Variants in PLOD1 observed in about 807,000 individuals in gnomAD.
PLOD1 encodes procollagen-lysine,2-oxoglutarate 5-dioxygenase 1, also known as lysine hydroxylase.
Under a neutral mutation model 94.7 loss-of-function variants are expected in PLOD1, and 70 were observed. The ratio of observed to expected loss-of-function variants is 0.74; its 90% CI spans 0.61 to 0.90. PLOD1 has a LOEUF of 0.90. PLOD1 is among the 40% of genes least tolerant of loss of function. The pLI is 0.00. For missense variants in PLOD1, 905 were observed against 972.7 expected, an observed-to-expected ratio of 0.93 and a Z score of 0.93; for synonymous variants, 417 against 400.2, an observed-to-expected ratio of 1.04 and a Z score of -0.50.
intron 16 of PLOD1, among the ~76,000 whole-genome samples, chr1:11,969,223 C>T (rs913678191): frequency 2.0e-5 from 3 of 151,296 alleles, no homozygotes; most frequent in Non-Finnish European, 3.0e-5. Flanking sequence ...TCCTGACCTC[C>T]GGTGATCCAC....
intron 6 of PLOD1, 144 bp from the exon 7 acceptor site, chr1:11,956,773 G>A: frequency 1.4e-6 from 1 of 711,906 alleles, no homozygotes. Flanking sequence ...TTTTATAGAT[G>A]AGGAAACTGA....
At position 11,958,554 on chromosome 1, in the gene PLOD1, C is replaced by G; in HGVS notation, c.882C>G (p.Ile294Met). 1.9e-6 allele frequency: 3 copies of G among 1,613,906 alleles called. No individual in the cohort carries two copies. The highest frequency in any genetic ancestry group is 4.5e-5 in the East Asian group (2 of 44,866). Reference protein sequence around the residue: ...ALPTVLVGVFIEQPTPFVSLF... With the variant: ...ALPTVLVGVFMEQPTPFVSLF... ...CCACGGTCCTGGTCGGCGTGTTCAT[C>G]GAACAGCCCACGCCGTTTGTGTCCC... Residue 294 changes from isoleucine to methionine, a missense_variant, in exon 9 of 19, where the codon ATC becomes ATG. Physicochemically the swap from Ile to Met is conservative, Grantham distance 10. Transcript: ENST00000196061. This position sits in a 1 kb window ranked among gnomAD's most constrained non-coding sequence, Gnocchi z 4.3.
intron 1 of PLOD1, chr1:11,944,662 G>A (rs1645638065): frequency 7.4e-7 from 1 of 1,350,828 alleles, no homozygotes; most frequent in African/African-American, 1.5e-5. Context: ...CCCAGGTTCA[G>A]GTAGTGAGGC....
intron 1 of PLOD1, among the ~76,000 whole-genome samples, chr1:11,941,500 G>A (rs1033266590): frequency 7.0e-6 from 1 of 142,122 alleles, no homozygotes; most frequent in Non-Finnish European, 1.5e-5. Context: ...TTATTTTTGA[G>A]ATGGAGTTTC....
rs552366652 is a variant in PLOD1 at position 11,963,886 on chromosome 1, C to T, written c.1202+250C>T. The stretch of plus-strand genomic sequence containing the variant: ...CTTTCTCCTCCTCCTCTTCCTCCTC[C>T]TCCTTGGCCTCACCTATTACCCAGA... On this transcript the variant is annotated intron_variant, in intron 11 of 18. Transcript: ENST00000196061. This position sits in a 1 kb window ranked among gnomAD's most constrained non-coding sequence, Gnocchi z 4.3. Among the ~76,000 whole-genome samples, 24 of 152,192 alleles carry T rather than the reference C, an allele frequency of 1.6e-4. No individual in the cohort carries two copies. Among genetic ancestry groups the T allele is most frequent in the African/African-American group, 5.1e-4 (21 of 41,538 alleles).
At chr1:11,974,519 G>T (rs924918638) in intron 18 of PLOD1, 134 bp from the exon 19 acceptor site, 8 of 837,234 alleles carry the variant, frequency 9.6e-6, no homozygotes, top group Non-Finnish European at 1.6e-5. Flanking sequence ...AGCAGCGCTT[G>T]TGGCTGTCAC....
Position 11,967,064 on chromosome 1 carries a change from T to C in PLOD1, c.1728T>C (p.Phe576=). ...CDELVEEMEH[F]GQWSLGNNKD... ...AGCTGGTGGAGGAGATGGAGCACTT[T>C]GGCCAGTGGTCTCTGGGCAACAACA... The change falls in exon 16 of 19, where the codon TTT becomes TTC. Residue 576 remains phenylalanine (F), a synonymous_variant. Coordinates refer to ENST00000196061, the MANE Select transcript of PLOD1 (RefSeq NM_000302.4). 1.2e-6 allele frequency: 2 copies of C among 1,613,366 alleles called. No individual in the cohort carries two copies. The highest frequency in any genetic ancestry group is 1.7e-6 in the Non-Finnish European group (2 of 1,179,308).
chr1:11,959,837 C>T (rs1311290354), intron 9 of PLOD1, among the ~76,000 whole-genome samples: 3 of 150,916 alleles, frequency 2.0e-5, no homozygotes, highest in Non-Finnish European at 4.4e-5. Flanking sequence ...AGGATGGTCT[C>T]GATCTCCTGA....
At chr1:11,954,741 G>C in intron 5 of PLOD1, 89 bp from the exon 6 acceptor site, 4 of 1,002,322 alleles carry the variant, frequency 4.0e-6, no homozygotes, top group Non-Finnish European at 6.4e-6. Flanking sequence ...GGCTGAACTT[G>C]GGGACAGATT....
rs1195340585 is a variant in PLOD1 at position 11,949,868 on chromosome 1, C to G, written c.264C>G (p.His88Gln). ...TGCTGAAGAAAGCTCTGGAGAAGCA[C>G]GCAGACAAGGAGGATCTGGTCATTC... ...VRLLKKALEK[H>Q]ADKEDLVILF... is the part of the protein sequence containing the mutation. The change falls in exon 3 of 19, where the codon CAC (histidine) becomes CAG (glutamine). Residue 88 changes from histidine (H) to glutamine (Q), a missense_variant. Transcript: ENST00000196061. The G allele has an allele frequency of 6.2e-7, 1 of 1,613,926 alleles. No individual in the cohort carries two copies. Among genetic ancestry groups the G allele is most frequent in the East Asian group, 2.2e-5 (1 of 44,896 alleles).
chr1:11,967,597 GTA>G (rs376492098), intron 16 of PLOD1, among the ~76,000 whole-genome samples: 22 of 59,746 alleles, frequency 3.7e-4, no homozygotes, highest in Admixed American at 2.4e-3. Flanking sequence ...GTGTGTGTGT[GTA>G]TATATATATA....
chr1:11,973,620 C>T (rs1645881842), intron 18 of PLOD1, among the ~76,000 whole-genome samples: 1 of 151,456 alleles, frequency 6.6e-6, no homozygotes, highest in Non-Finnish European at 1.5e-5. Flanking sequence ...TGCTCTGTCA[C>T]CCAGGCTGGA....
Position 11,958,558 on chromosome 1 carries a change from C to G in PLOD1, c.886C>G (p.Gln296Glu). 6.2e-7 allele frequency: 1 copy of G among 1,613,934 alleles called. No homozygotes were observed. Among genetic ancestry groups the G allele is most frequent in the Non-Finnish European group, 8.5e-7 (1 of 1,179,914 alleles). The change falls in exon 9 of 19, where the codon CAG becomes GAG. Residue 296 changes from glutamine (Q) to glutamate (E), a missense_variant. Physicochemically the swap from Gln to Glu is conservative, Grantham distance 29. Transcript: ENST00000196061. The surrounding 1 kb of genome is among the most constrained non-coding windows in gnomAD (Gnocchi z 4.3). The stretch of plus-strand genomic sequence containing the variant: ...GGTCCTGGTCGGCGTGTTCATCGAA[C>G]AGCCCACGCCGTTTGTGTCCCTGTT... ...PTVLVGVFIE[Q>E]PTPFVSLFFQ... is the part of the protein sequence containing the mutation.
chr1:11,948,205 A>C (rs2100741925), intron 2 of PLOD1, 138 bp downstream of exon 2: 1 of 716,374 alleles, frequency 1.4e-6, no homozygotes. Flanking sequence ...TGAAGGATGA[A>C]AATGAGTTAG....
chr1:11,974,715 C>G lies in PLOD1; in HGVS notation c.2091C>G (p.Thr697=). 6.2e-7 allele frequency: 1 copy of G among 1,613,880 alleles called. No individual in the cohort carries two copies. Among genetic ancestry groups the G allele is most frequent in the Non-Finnish European group, 8.5e-7 (1 of 1,179,790 alleles). The change falls in exon 19 of 19, where the codon ACC becomes ACG. Residue 697 remains threonine, a synonymous_variant. Transcript: ENST00000196061. The part of the protein sequence containing the change: ...CSIRAPRKGW[T]LMHPGRLTHY... ...TCCGAGCCCCAAGGAAGGGCTGGACCCTCATGCACCCTGGACGACTCACGC... is the reference window on the plus strand; with the variant it reads ...TCCGAGCCCCAAGGAAGGGCTGGACGCTCATGCACCCTGGACGACTCACGC...
chr1:11,962,402 G>C (rs1421943036), intron 10 of PLOD1, among the ~76,000 whole-genome samples: 1 of 149,446 alleles, frequency 6.7e-6, no homozygotes, highest in Non-Finnish European at 1.5e-5. Flanking sequence ...TTAGCCTCCC[G>C]AGTAGCTGTG....
chr1:11,956,010 C>T (rs1353656955), intron 6 of PLOD1, among the ~76,000 whole-genome samples: 1 of 152,214 alleles, frequency 6.6e-6, no homozygotes, highest in Non-Finnish European at 1.5e-5. Flanking sequence ...GATCCTCCCA[C>T]CTTGGCCTCC....
chr1:11,968,328 A>G (rs775632894), intron 16 of PLOD1, among the ~76,000 whole-genome samples: 10 of 152,080 alleles, frequency 6.6e-5, no homozygotes, highest in African/African-American at 9.7e-5. Flanking sequence ...GGATTTTGAT[A>G]AAAGAGCACA....
chr1:11,954,496 A>T (rs1169286047), intron 5 of PLOD1: 30 of 577,554 alleles, frequency 5.2e-5, no homozygotes, highest in South Asian at 4.1e-4. Context: ...CAAAAAAAAG[A>T]ATATTTGGAG....
Sources: allele counts gnomAD v4.1 joint callset (sites outside exome capture counted in the v4.1 genomes callset), GRCh38; gene constraint gnomAD v4.1.1; non-coding constraint Gnocchi (gnomAD v3.1); transcripts MANE v1.5; gene names NCBI Gene and HGNC (gene_info 2026-07-23, HGNC 2026-07-21).